The following SNUPN variants were observed in gnomAD, a reference collection of about 807,000 sequenced individuals.
The protein encoded by SNUPN is snurportin 1.
A neutral mutation model predicts 39.2 loss-of-function variants in SNUPN; 31 were observed. That is an observed-to-expected ratio of 0.79 (90% CI 0.59 to 1.07). SNUPN has a LOEUF of 1.07. Ranked by LOEUF, SNUPN falls within the 50% of genes least tolerant of loss-of-function variation. SNUPN has a pLI of 0.00. For missense variants in SNUPN, 382 were observed against 434.2 expected (o/e 0.88, Z 1.07); for synonymous variants, 132 against 159.0 (o/e 0.83, Z 1.28).
At chr15:75,607,769 A>C (rs1275498520) in intron 5 of SNUPN, among the ~76,000 whole-genome samples, 1 of 152,186 alleles carries the variant, frequency 6.6e-6, no homozygotes, top group Non-Finnish European at 1.5e-5. Context: ...CTAAGAGCTA[A>C]ATTACAGAGC....
At position 75,620,933 on chromosome 15, in the gene SNUPN, T is replaced by C. The variant is rs1333283688; in HGVS notation, c.119A>G (p.Gln40Arg). The C allele has an allele frequency of 6.2e-7, 1 of 1,614,022 alleles. No homozygotes were observed. Among genetic ancestry groups the C allele is most frequent in the Non-Finnish European group, 8.5e-7 (1 of 1,179,988 alleles). Residue 40 changes from glutamine (Q) to arginine (R), a missense_variant, in exon 2 of 9, where the codon CAG (glutamine) becomes CGG (arginine). By Grantham distance (43) the Gln-to-Arg change is conservative (BLOSUM62 1). Transcript: ENST00000308588. ...QYKSKYSSLEQSERRRRLLEL... is the reference protein window; with the variant it reads ...QYKSKYSSLERSERRRRLLEL... Reference sequence around the variant, plus strand: ...CAGTAACCTCCGGCGGCGCTCACTCTGCTCCAAGGAACTGTACTTGGACTT... The same window carrying C: ...CAGTAACCTCCGGCGGCGCTCACTCCGCTCCAAGGAACTGTACTTGGACTT...
chr15:75,621,577 C>A lies in SNUPN; in HGVS notation c.-5-521G>T, dbSNP rs566266060. ...GCGCCCGGCCTTTTCTGAGCAGTTC[C>A]TCTACAGTTTCCTGAATAGCCATCA... is the stretch of plus-strand genomic sequence containing the variant. On this transcript the variant is annotated intron_variant, in intron 1 of 8. Coordinates refer to ENST00000308588, the MANE Select transcript of SNUPN (RefSeq NM_005701.4). Among the ~76,000 whole-genome samples the A allele has an allele frequency of 3.1e-4, 47 of 152,228 alleles. 1 individual carries two copies. In the South Asian group the frequency reaches 7.5e-3, roughly 24 times the overall value.
chr15:75,605,097 C>CA, intron 7 of SNUPN, 53 bp downstream of exon 7: 1 of 1,104,486 alleles, frequency 9.1e-7, no homozygotes, highest in Non-Finnish European at 1.4e-6. Flanking sequence ...GATAACAGAC[C>CA]AATCCACACT....
chr15:75,600,922 A>G (rs1034333020), intron 8 of SNUPN: 2 of 481,888 alleles, frequency 4.2e-6, no homozygotes, highest in Non-Finnish European at 7.6e-6. Flanking sequence ...CGAGCTGTCC[A>G]TTAAGGGCCC....
At chr15:75,621,099 C>A in intron 1 of SNUPN, 43 bp from the exon 2 acceptor site, 1 of 1,592,748 alleles carries the variant, frequency 6.3e-7, no homozygotes, top group South Asian at 1.1e-5. Context: ...CATTTCATAT[C>A]ATCTCCTGTA....
rs1234172033 is a variant in SNUPN, at chr15:75,617,540, A to T, written c.171T>A (p.Asp57Glu). The T allele has an allele frequency of 1.2e-6, 2 of 1,608,926 alleles. No individual in the cohort carries two copies. Among genetic ancestry groups the T allele is most frequent in the African/African-American group, 2.7e-5 (2 of 74,394 alleles). ...LLELQKSKRLDYVNHARRLAE... is the reference protein window; with the variant it reads ...LLELQKSKRLEYVNHARRLAE... The stretch of plus-strand genomic sequence containing the variant: ...CCAGTCTTCTGGCATGGTTCACATA[A>T]TCCAGCCGCTTGCTGGAAGGAAAAA... The change falls in exon 3 of 9, where the codon GAT becomes GAA. Residue 57 changes from aspartate to glutamate, a missense_variant. Asp to Glu is a conservative substitution (Grantham distance 45). Transcript: ENST00000308588.
intron 3 of SNUPN, among the ~76,000 whole-genome samples, chr15:75,610,919 C>T (rs1892761694): frequency 6.6e-6 from 1 of 152,132 alleles, no homozygotes; most frequent in African/African-American, 2.4e-5. Flanking sequence ...CCTGTAGTCC[C>T]AGCACTTTGG....
chr15:75,613,258 CAAAAAAAAAAAAAAA>C (rs905447706), intron 3 of SNUPN, among the ~76,000 whole-genome samples: 1 of 40,614 alleles, frequency 2.5e-5, no homozygotes, highest in Admixed American at 3.2e-4. Context: ...GACTCCATCT[CAAAAAAAAAAAAAAA>C]AAAAAAAAAG....
At chr15:75,620,631 G>C (rs1397406739) in intron 2 of SNUPN, among the ~76,000 whole-genome samples, 1 of 151,932 alleles carries the variant, frequency 6.6e-6, no homozygotes, top group Non-Finnish European at 1.5e-5. Flanking sequence ...CAGCTGCCAG[G>C]AAAAAAAGAA....
intron 2 of SNUPN, among the ~76,000 whole-genome samples, chr15:75,619,632 G>A (rs1194162560): frequency 6.6e-6 from 1 of 152,024 alleles, no homozygotes; most frequent in South Asian, 2.1e-4. Context: ...GTGACACCCT[G>A]TCTAAAATAT....
At chr15:75,599,609 C>G (rs1164231259) in intron 8 of SNUPN, among the ~76,000 whole-genome samples, 3 of 152,192 alleles carry the variant, frequency 2.0e-5, no homozygotes. Context: ...GGGAAGACCT[C>G]CTACAGTCCC....
rs1200119929 is a variant in SNUPN at position 75,620,914 on chromosome 15, C to A, written c.138G>T (p.Arg46Ser). ...SSLEQSERRR[R>S]LLELQKSKRL... Reference sequence around the variant, plus strand: ...CTTACGATTTCTGCAGTTCCAGTAACCTCCGGCGGCGCTCACTCTGCTCCA... The same window carrying A: ...CTTACGATTTCTGCAGTTCCAGTAAACTCCGGCGGCGCTCACTCTGCTCCA... The change falls in exon 2 of 9, where the codon AGG becomes AGT. Residue 46 changes from arginine (R) to serine (S), a missense_variant. Transcript: ENST00000308588. The A allele has an allele frequency of 1.2e-6, 2 of 1,613,404 alleles. No individual in the cohort carries two copies. The highest frequency in any genetic ancestry group is 2.2e-5 in the South Asian group (2 of 91,052).
intron 7 of SNUPN, among the ~76,000 whole-genome samples, chr15:75,604,776 T>C (rs2141363930): frequency 6.6e-6 from 1 of 151,224 alleles, no homozygotes; most frequent in Non-Finnish European, 1.5e-5. Context: ...GAAGAGGTAG[T>C]GTTTGGTTAC....
chr15:75,607,936 T>C (rs1176589070), intron 5 of SNUPN, among the ~76,000 whole-genome samples: 1 of 152,128 alleles, frequency 6.6e-6, no homozygotes, highest in Non-Finnish European at 1.5e-5. Flanking sequence ...CAAGTACTGA[T>C]GTGGCATGAG....
chr15:75,615,840 C>A (rs1483284014), intron 3 of SNUPN, among the ~76,000 whole-genome samples: 4 of 151,460 alleles, frequency 2.6e-5, no homozygotes, highest in Non-Finnish European at 5.9e-5. Context: ...GATCTCCTGA[C>A]CTCGTGATCC....
chr15:75,602,647 C>T (rs1298883357), intron 7 of SNUPN, among the ~76,000 whole-genome samples: 1 of 151,946 alleles, frequency 6.6e-6, no homozygotes, highest in Non-Finnish European at 1.5e-5. Context: ...GCTCTTTCAC[C>T]CAGGCTGGAG....
chr15:75,623,339 C>T (rs907723304), intron 1 of SNUPN, among the ~76,000 whole-genome samples: 64 of 151,348 alleles, frequency 4.2e-4, no homozygotes, highest in African/African-American at 1.5e-3. Flanking sequence ...TTAGTAGAGA[C>T]GGGGTTTCAC....
At chr15:75,622,781 CAAGTG>C (rs1893104028) in intron 1 of SNUPN, among the ~76,000 whole-genome samples, 1 of 152,198 alleles carries the variant, frequency 6.6e-6, no homozygotes, top group African/African-American at 2.4e-5. Flanking sequence ...TTCCATTGCA[CAAGTG>C]AAGTCAGATA....
chr15:75,611,579 AG>A (rs1277573173), intron 3 of SNUPN, among the ~76,000 whole-genome samples: 1 of 151,478 alleles, frequency 6.6e-6, no homozygotes, highest in East Asian at 2.0e-4. Flanking sequence ...TTTTGTGGCC[AG>A]GAACGGTGGC....
Sources: allele counts gnomAD v4.1 joint callset (sites outside exome capture counted in the v4.1 genomes callset), GRCh38; gene constraint gnomAD v4.1.1; transcripts MANE v1.5; gene names NCBI Gene and HGNC (gene_info 2026-07-23, HGNC 2026-07-21).